Variants in LARS2 observed in about 807,000 individuals in gnomAD.
LARS2 encodes the protein leucine--tRNA ligase, mitochondrial.
A neutral mutation model predicts 116.6 loss-of-function variants in LARS2; 81 were observed. The ratio of observed to expected loss-of-function variants is 0.69; its 90% confidence interval spans 0.58 to 0.84. The LOEUF is 0.84. Ranked by LOEUF, LARS2 falls within the 40% of genes least tolerant of loss-of-function variation. LARS2 has a pLI of 0.00. For missense variants in LARS2, 968 were observed against 1,114.5 expected, an observed-to-expected ratio of 0.87 and a Z score of 1.87; for synonymous variants, 396 against 407.2, an observed-to-expected ratio of 0.97 and a Z score of 0.33.
Position 45,491,855 on chromosome 3 carries a change from G to C in LARS2, c.1523+55G>C. On this transcript the variant is annotated intron_variant, in intron 13 of 21. Coordinates refer to ENST00000645846, the MANE Select transcript of LARS2 (RefSeq NM_015340.4). The stretch of plus-strand genomic sequence containing the variant: ...TGTGCCTATGGCCCCATACCTGCTA[G>C]GGCTTCAGACAGCCTCCTCCCTCCT... 5.2e-6 allele frequency: 8 copies of C among 1,535,528 alleles called. No homozygotes were observed. In the South Asian group the frequency reaches 9.4e-5, roughly 18 times the overall value.
intron 4 of LARS2, among the ~76,000 whole-genome samples, chr3:45,414,699 C>T (rs1403524777): frequency 1.3e-5 from 2 of 151,646 alleles, no homozygotes; most frequent in African/African-American, 2.4e-5. Context: ...CACTGCACTT[C>T]AGCCTCGGCA....
chr3:45,409,798 G>T (rs910612231), intron 4 of LARS2, among the ~76,000 whole-genome samples: 16 of 152,126 alleles, frequency 1.1e-4, no homozygotes, highest in Admixed American at 2.0e-4. Flanking sequence ...ATGCAAAACG[G>T]CCTTCCCACA....
chr3:45,433,259 A>G (rs1698748708), intron 6 of LARS2, among the ~76,000 whole-genome samples: 1 of 152,012 alleles, frequency 6.6e-6, no homozygotes, highest in Admixed American at 6.5e-5. Context: ...TAATATAATT[A>G]TTGATCTATT....
chr3:45,515,544 G>A (rs1700358781), intron 16 of LARS2, among the ~76,000 whole-genome samples: 1 of 152,216 alleles, frequency 6.6e-6, no homozygotes, highest in Non-Finnish European at 1.5e-5. Flanking sequence ...AGTGGTATGT[G>A]AGTAGGGGAG....
chr3:45,479,879 A>T (rs575795495), intron 10 of LARS2, among the ~76,000 whole-genome samples: 1 of 151,494 alleles, frequency 6.6e-6, no homozygotes, highest in Non-Finnish European at 1.5e-5. Context: ...TGAGTCACCA[A>T]CTATCTACAC....
At chr3:45,401,718 T>G (rs1698155551) in intron 4 of LARS2, among the ~76,000 whole-genome samples, 1 of 151,824 alleles carries the variant, frequency 6.6e-6, no homozygotes, top group South Asian at 2.1e-4. Context: ...CCTCCCAGGC[T>G]CAACTTCCGA....
intron 4 of LARS2, among the ~76,000 whole-genome samples, chr3:45,404,103 C>A (rs543169730): frequency 6.6e-6 from 1 of 152,188 alleles, no homozygotes; most frequent in Admixed American, 6.5e-5. Flanking sequence ...TATTATCCAT[C>A]CTGTGGCTTG....
intron 4 of LARS2, among the ~76,000 whole-genome samples, chr3:45,409,844 G>T (rs1698299099): frequency 6.6e-6 from 1 of 152,102 alleles, no homozygotes; most frequent in Non-Finnish European, 1.5e-5. Flanking sequence ...GCAAACATTT[G>T]TTTTTTTGTT....
rs538741710 is a variant in LARS2 at position 45,469,026 on chromosome 3, C to T, written c.751-5217C>T. Among the ~76,000 whole-genome samples, 8 of 152,284 alleles carry T rather than the reference C, an allele frequency of 5.3e-5. No homozygotes were observed. In the East Asian group the frequency reaches 1.4e-3, roughly 26 times the overall value. On this transcript the variant is annotated intron_variant, in intron 8 of 21. Coordinates refer to ENST00000645846, the MANE Select transcript of LARS2 (RefSeq NM_015340.4). ...GTGTGGCTGCTTGGTGCCTCTTTTC[C>T]TCTTGCCCTGAAATCCCATGAAACC...
chr3:45,410,474 C>T (rs910963610), intron 4 of LARS2, among the ~76,000 whole-genome samples: 3 of 152,142 alleles, frequency 2.0e-5, no homozygotes, highest in Non-Finnish European at 4.4e-5. Flanking sequence ...TTGTCTACCA[C>T]GGACTAAAAA....
chr3:45,540,640 G>A (rs1261591660), intron 20 of LARS2, among the ~76,000 whole-genome samples: 2 of 152,174 alleles, frequency 1.3e-5, no homozygotes, highest in East Asian at 1.9e-4. Context: ...ATATTCACTT[G>A]CCCACTTCTG....
At chr3:45,497,071 T>C (rs1224277847) in intron 14 of LARS2, among the ~76,000 whole-genome samples, 1 of 152,120 alleles carries the variant, frequency 6.6e-6, no homozygotes, top group Non-Finnish European at 1.5e-5. Context: ...CCTCACCTCT[T>C]ACTACATAGT....
At chr3:45,478,943 C>A (rs1256278375) in intron 10 of LARS2, among the ~76,000 whole-genome samples, 1 of 152,046 alleles carries the variant, frequency 6.6e-6, no homozygotes, top group South Asian at 2.1e-4. Flanking sequence ...CATTTTAAAC[C>A]AGGATGTTGT....
intron 6 of LARS2, among the ~76,000 whole-genome samples, chr3:45,445,334 TG>T (rs1699001264): frequency 6.6e-6 from 1 of 152,240 alleles, no homozygotes; most frequent in South Asian, 2.1e-4. Context: ...TCTAGAAAAC[TG>T]AGGAAAACAA....
chr3:45,529,915 G>A (rs972838888), intron 20 of LARS2, among the ~76,000 whole-genome samples: 1 of 152,192 alleles, frequency 6.6e-6, no homozygotes, highest in Non-Finnish European at 1.5e-5. Context: ...TGGGCCCAGA[G>A]CGAGGAGATA....
chr3:45,510,596 G>C (rs62243390), intron 15 of LARS2, among the ~76,000 whole-genome samples: 1,651 of 152,348 alleles, frequency 0.011, 24 homozygotes, highest in Middle Eastern at 0.017. Context: ...GATGGCATTT[G>C]AGTTGAGCCA....
chr3:45,518,524 A>G (rs1157620162), intron 18 of LARS2, among the ~76,000 whole-genome samples: 1 of 152,232 alleles, frequency 6.6e-6, no homozygotes, highest in Non-Finnish European at 1.5e-5. Flanking sequence ...AGATGGGGAC[A>G]GAGATGATGT....
rs950363124 is a variant in LARS2, at chr3:45,476,509, G to A, written c.900G>A (p.Thr300=). 8 of 1,614,164 alleles carry A rather than the reference G, an allele frequency of 5.0e-6. No homozygotes were observed. Among genetic ancestry groups the A allele is most frequent in the Non-Finnish European group, 6.8e-6 (8 of 1,180,018 alleles). ...CGGGCGAAAAGCTGACTGCCTATAC[G>A]GCCACCCCTGAAGCCATTTATGGCA... The part of the protein sequence containing the change: ...QATGEKLTAY[T]ATPEAIYGTS... The change falls in exon 10 of 22, where the codon ACG becomes ACA. Residue 300 remains threonine, a synonymous_variant. Coordinates refer to ENST00000645846, the MANE Select transcript of LARS2 (RefSeq NM_015340.4).
At chr3:45,461,365 T>C (rs1053579685) in intron 8 of LARS2, among the ~76,000 whole-genome samples, 1 of 151,858 alleles carries the variant, frequency 6.6e-6, no homozygotes, top group Non-Finnish European at 1.5e-5. Context: ...GTGAACAGCA[T>C]GTGTAGTGGC....
Sources: allele counts gnomAD v4.1 joint callset (sites outside exome capture counted in the v4.1 genomes callset), GRCh38; gene constraint gnomAD v4.1.1; transcripts MANE v1.5; gene names NCBI Gene and HGNC (gene_info 2026-07-23, HGNC 2026-07-21).